The following DIAPH2 variants were observed in gnomAD, a reference collection of about 807,000 sequenced individuals.
The protein encoded by DIAPH2 is protein diaphanous homolog 2.
In DIAPH2, 35 loss-of-function variants were observed where a neutral mutation model predicts 92.7. That is an observed-to-expected ratio of 0.38 (90% CI 0.29 to 0.50). The LOEUF (loss-of-function observed/expected upper bound fraction) is 0.50. DIAPH2 is among the 20% of genes least tolerant of loss of function. DIAPH2 has a pLI of 0.94. For synonymous variants in DIAPH2, 301 were observed against 280.4 expected, an observed-to-expected ratio of 1.07 and a Z score of -0.73; for missense variants, 701 against 819.5, an observed-to-expected ratio of 0.86 and a Z score of 1.77.
At chrX:97,051,168 CATTAAG>C (rs1046591521) in intron 17 of DIAPH2, among the ~76,000 whole-genome samples, 1 of 111,791 alleles carries the variant, frequency 8.9e-6, no homozygotes, top group Non-Finnish European at 1.9e-5. Flanking sequence ...ATATTTAAGT[CATTAAG>C]ATTTTAATTC....
intron 21 of DIAPH2, among the ~76,000 whole-genome samples, chrX:97,132,190 A>G (rs773306017): frequency 1.8e-5 from 2 of 111,856 alleles, no homozygotes; most frequent in South Asian, 3.7e-4. Context: ...GCTTGACTAT[A>G]CAATTGATAT....
intron 5 of DIAPH2, among the ~76,000 whole-genome samples, chrX:96,899,634 C>T (rs2065377470): frequency 9.0e-6 from 1 of 111,230 alleles, no homozygotes; most frequent in South Asian, 3.8e-4. Context: ...TGGGCTGAGA[C>T]AATGGGGTTT....
At chrX:97,185,697 C>T (rs1055875449) in intron 22 of DIAPH2, among the ~76,000 whole-genome samples, 1 of 104,055 alleles carries the variant, frequency 9.6e-6, no homozygotes, top group Non-Finnish European at 2.0e-5. Flanking sequence ...CCTATGCATA[C>T]TTTGTTAACC....
chrX:96,964,421 A>T (rs1420208610), intron 16 of DIAPH2, among the ~76,000 whole-genome samples: 3 of 111,456 alleles, frequency 2.7e-5, no homozygotes, highest in African/African-American at 9.8e-5. Context: ...AATGGTAGTT[A>T]TACATCACAA....
intron 4 of DIAPH2, among the ~76,000 whole-genome samples, chrX:96,842,348 T>C (rs189428266): frequency 8.9e-6 from 1 of 112,321 alleles, no homozygotes; most frequent in Non-Finnish European, 1.9e-5. Flanking sequence ...AGTAAACTCC[T>C]TGAGCTGGAA....
At chrX:97,101,541 A>T (rs945759534) in intron 20 of DIAPH2, among the ~76,000 whole-genome samples, 2 of 111,548 alleles carry the variant, frequency 1.8e-5, no homozygotes, top group African/African-American at 6.5e-5. Context: ...AGTCAAGGAC[A>T]TTACAAACTA....
At chrX:97,263,627 G>GGC (rs2068307674) in intron 23 of DIAPH2, among the ~76,000 whole-genome samples, 1 of 108,334 alleles carries the variant, frequency 9.2e-6, no homozygotes, top group Non-Finnish European at 1.9e-5. Context: ...TGCTCTGTCA[G>GGC]CCAGGCTGGA....
At chrX:97,189,058 C>CTT (rs1468101258) in intron 22 of DIAPH2, among the ~76,000 whole-genome samples, 1 of 111,737 alleles carries the variant, frequency 8.9e-6, no homozygotes, top group Non-Finnish European at 1.9e-5. Flanking sequence ...GGCAAGATTA[C>CTT]TTTTTCTTCA....
chrX:96,730,889 T>G (rs1396751173), intron 1 of DIAPH2, among the ~76,000 whole-genome samples: 1 of 109,209 alleles, frequency 9.2e-6, no homozygotes, highest in Non-Finnish European at 1.9e-5. Flanking sequence ...GAAAAGAGAG[T>G]CAGTGAAGGG....
chrX:97,336,543 C>T (rs939969846), intron 23 of DIAPH2, among the ~76,000 whole-genome samples: 3 of 109,820 alleles, frequency 2.7e-5, no homozygotes, highest in South Asian at 7.9e-4. Context: ...GCCACAGCTC[C>T]CAGCCTGCAG....
chrX:97,449,852 G>A (rs1051587654), intron 26 of DIAPH2, among the ~76,000 whole-genome samples: 5 of 111,515 alleles, frequency 4.5e-5, no homozygotes, highest in Admixed American at 3.8e-4. Flanking sequence ...GAATAATGCT[G>A]TATGTCTTAC....
chrX:97,304,398 G>A (rs1297523571), intron 23 of DIAPH2, among the ~76,000 whole-genome samples: 1 of 112,333 alleles, frequency 8.9e-6, no homozygotes, highest in Non-Finnish European at 1.9e-5. Flanking sequence ...TATAACAGCA[G>A]TATTAAAACC....
At chrX:97,290,802 G>C (rs12858738) in intron 23 of DIAPH2, among the ~76,000 whole-genome samples, 46,971 of 111,048 alleles carry the variant, frequency 0.42, 8,472 homozygotes, top group Non-Finnish European at 0.57. Context: ...TGTCTTGGCC[G>C]GGCTGGTCAC....
At chrX:97,100,617 C>T (rs1200168301) in intron 20 of DIAPH2, among the ~76,000 whole-genome samples, 1 of 111,577 alleles carries the variant, frequency 9.0e-6, no homozygotes, top group Non-Finnish European at 1.9e-5. Flanking sequence ...ATAAATAGTT[C>T]CATTATGGTC....
At chrX:97,039,816 C>G (rs2066436599) in intron 17 of DIAPH2, among the ~76,000 whole-genome samples, 1 of 111,260 alleles carries the variant, frequency 9.0e-6, no homozygotes, top group Non-Finnish European at 1.9e-5. Context: ...TGGGTCATAT[C>G]TCTGTCCCAA....
chrX:96,993,699 A>G (rs529432567), intron 17 of DIAPH2, among the ~76,000 whole-genome samples: 5 of 112,146 alleles, frequency 4.5e-5, no homozygotes, highest in East Asian at 5.6e-4. Context: ...GAACGTAACT[A>G]TATCAGGCAG....
chrX:97,144,597 ATATT>A (rs1361170055), intron 22 of DIAPH2, among the ~76,000 whole-genome samples: 3 of 76,930 alleles, frequency 3.9e-5, no homozygotes, highest in Admixed American at 3.5e-4. Context: ...GAATATATAG[ATATT>A]TATATATGTG....
chrX:97,434,432 A>T (rs964200500), intron 26 of DIAPH2, among the ~76,000 whole-genome samples: 4 of 103,372 alleles, frequency 3.9e-5, no homozygotes, highest in Non-Finnish European at 5.9e-5. Context: ...TTTTTTGAGA[A>T]GGAGTCTCAC....
At chrX:97,123,055 T>C in intron 21 of DIAPH2, among the ~76,000 whole-genome samples, 1 of 112,227 alleles carries the variant, frequency 8.9e-6, no homozygotes, top group Non-Finnish European at 1.9e-5. Context: ...TATATTACGT[T>C]GAAGCAAGAA....
Sources: allele counts gnomAD v4.1 joint callset (sites outside exome capture counted in the v4.1 genomes callset), GRCh38; gene constraint gnomAD v4.1.1; transcripts MANE v1.5; gene names NCBI Gene and HGNC (gene_info 2026-07-23, HGNC 2026-07-21).